The following DLC1 variants were observed in gnomAD, a reference collection of about 807,000 sequenced individuals.
The protein encoded by DLC1 is DLC1 Rho GTPase activating protein.
A neutral mutation model predicts 140.3 loss-of-function variants in DLC1; 54 were observed. The ratio of observed to expected loss-of-function variants is 0.38; its 90% CI spans 0.31 to 0.48. DLC1 has a LOEUF of 0.48. Ranked by LOEUF, DLC1 falls within the 20% of genes least tolerant of loss-of-function variation. DLC1 has a pLI of 0.96. For missense variants in DLC1, 2,536 were observed against 1,907.0 expected (o/e 1.33, Z -6.14); for synonymous variants, 986 against 728.1 (o/e 1.35, Z -5.70).
At chr8:13,376,090 A>G (rs1347747935) in intron 4 of DLC1, among the ~76,000 whole-genome samples, 1 of 152,138 alleles carries the variant, frequency 6.6e-6, no homozygotes, top group African/African-American at 2.4e-5. Context: ...CTTTTCCCAC[A>G]TCGTCTTCGT....
intron 1 of DLC1, among the ~76,000 whole-genome samples, chr8:13,533,111 C>T (rs896743380): frequency 6.6e-6 from 1 of 152,044 alleles, no homozygotes; most frequent in Non-Finnish European, 1.5e-5. Context: ...TACTAATTAA[C>T]ATATGCTGGA....
chr8:13,129,477 T>C (rs1419839785), intron 5 of DLC1, among the ~76,000 whole-genome samples: 1 of 152,196 alleles, frequency 6.6e-6, no homozygotes, highest in African/African-American at 2.4e-5. Flanking sequence ...TACAGATTAC[T>C]CCTTTGCATT....
chr8:13,366,467 T>G (rs1461324599), intron 4 of DLC1, among the ~76,000 whole-genome samples: 8 of 152,174 alleles, frequency 5.3e-5, no homozygotes, highest in Non-Finnish European at 7.3e-5. Context: ...GTTAACACTA[T>G]GAGTGATATT....
intron 3 of DLC1, 148 bp from the exon 4 acceptor site, chr8:13,393,841 C>T (rs1586266304): frequency 1.1e-6 from 1 of 914,668 alleles, no homozygotes; most frequent in South Asian, 1.7e-5. Flanking sequence ...TGACGTGTCA[C>T]ACATAATCAT....
intron 1 of DLC1, among the ~76,000 whole-genome samples, chr8:13,541,807 C>T (rs1803494754): frequency 6.6e-6 from 1 of 152,156 alleles, no homozygotes; most frequent in Non-Finnish European, 1.5e-5. Flanking sequence ...CCTCGGCCTC[C>T]CAAAGTGCTG....
intron 6 of DLC1, among the ~76,000 whole-genome samples, chr8:13,111,619 G>A (rs1563620963): frequency 6.6e-6 from 1 of 152,152 alleles, no homozygotes; most frequent in Non-Finnish European, 1.5e-5. Context: ...CCAAGAAAAG[G>A]AGAGCGGAGG....
intron 5 of DLC1, among the ~76,000 whole-genome samples, chr8:13,279,587 A>G (rs1243888083): frequency 6.6e-6 from 1 of 152,338 alleles, no homozygotes; most frequent in East Asian, 1.9e-4. Flanking sequence ...CCATAGGCCA[A>G]CGTAGAGCTG....
chr8:13,137,603 G>GTGTTT (rs372753052), intron 5 of DLC1, among the ~76,000 whole-genome samples: 13 of 134,362 alleles, frequency 9.7e-5, no homozygotes, highest in African/African-American at 1.1e-4. Flanking sequence ...TTTTGGTTTT[G>GTGTTT]TTTTTTTTTT....
At chr8:13,570,773 A>T (rs934112993) in intron 1 of DLC1, among the ~76,000 whole-genome samples, 1 of 152,032 alleles carries the variant, frequency 6.6e-6, no homozygotes, top group East Asian at 1.9e-4. Flanking sequence ...GTCTTCATTC[A>T]GCTCTCAAAT....
chr8:13,434,334 G>T (rs117155651), intron 2 of DLC1, among the ~76,000 whole-genome samples: 65 of 152,302 alleles, frequency 4.3e-4, no homozygotes, highest in African/African-American at 1.5e-3. Flanking sequence ...AACCCAAGAT[G>T]TCACTGCTCT....
intron 1 of DLC1, among the ~76,000 whole-genome samples, chr8:13,525,794 T>C (rs1802904040): frequency 6.6e-6 from 1 of 152,182 alleles, no homozygotes; most frequent in African/African-American, 2.4e-5. Context: ...GAAAATGCCT[T>C]TTGAAGAGTA....
At chr8:13,504,666 G>A (rs1337217889) in intron 1 of DLC1, among the ~76,000 whole-genome samples, 1 of 152,130 alleles carries the variant, frequency 6.6e-6, no homozygotes, top group Non-Finnish European at 1.5e-5. Flanking sequence ...GGGAATCAAT[G>A]GTATCAGATT....
chr8:13,105,933 A>G (rs1397890404), intron 7 of DLC1, among the ~76,000 whole-genome samples: 2 of 152,190 alleles, frequency 1.3e-5, no homozygotes, highest in Non-Finnish European at 2.9e-5. Context: ...AAAGCAACTT[A>G]TATCCTAAGG....
At chr8:13,274,389 T>C (rs763714938) in intron 5 of DLC1, among the ~76,000 whole-genome samples, 1 of 152,182 alleles carries the variant, frequency 6.6e-6, no homozygotes, top group Admixed American at 6.5e-5. Flanking sequence ...ACTGTGTGAG[T>C]TACTTCAGAG....
intron 5 of DLC1, among the ~76,000 whole-genome samples, chr8:13,138,490 T>C (rs1427729822): frequency 6.6e-6 from 1 of 152,254 alleles, no homozygotes; most frequent in Non-Finnish European, 1.5e-5. Context: ...GAAATTGATT[T>C]CTCTCCCTGA....
chr8:13,460,658 G>A (rs190390712), intron 2 of DLC1, among the ~76,000 whole-genome samples: 97 of 152,070 alleles, frequency 6.4e-4, no homozygotes, highest in Non-Finnish European at 1.0e-3. Context: ...ATGATGGTGT[G>A]GATCAAAATA....
chr8:13,157,937 A>G (rs531199433), intron 5 of DLC1, among the ~76,000 whole-genome samples: 16 of 152,368 alleles, frequency 1.1e-4, no homozygotes, highest in Non-Finnish European at 1.6e-4. Flanking sequence ...TAGTTTACTC[A>G]CTAGTTTACA....
intron 4 of DLC1, chr8:13,339,807 G>GC (rs1214703812): frequency 6.6e-6 from 1 of 152,176 alleles, no homozygotes; most frequent in Non-Finnish European, 1.5e-5. Context: ...AGTTTACAAA[G>GC]TTTTTCACTC....
chr8:13,436,678 C>T (rs138872690), intron 2 of DLC1, among the ~76,000 whole-genome samples: 74 of 152,266 alleles, frequency 4.9e-4, no homozygotes, highest in African/African-American at 1.7e-3. Context: ...TTGTATTTTC[C>T]CAGAGCTCTG....
Sources: allele counts gnomAD v4.1 joint callset (sites outside exome capture counted in the v4.1 genomes callset), GRCh38; gene constraint gnomAD v4.1.1; transcripts MANE v1.5; gene names NCBI Gene and HGNC (gene_info 2026-07-23, HGNC 2026-07-21).